The following CNKSR1 variants were observed in gnomAD, a reference collection of about 807,000 sequenced individuals.
CNKSR1 encodes the protein CNK homolog protein 1.
CNKSR1 carries 88 observed loss-of-function variants against 95.6 expected under a neutral mutation model. The observed-to-expected ratio is 0.92, with a 90% CI of 0.78 to 1.10. The LOEUF (loss-of-function observed/expected upper bound fraction) is 1.10, where lower values mean the gene tolerates loss of function less well. Ranked by LOEUF, CNKSR1 falls within the 50% of genes least tolerant of loss-of-function variation. The pLI is 0.00. For synonymous variants in CNKSR1, 355 were observed against 369.7 expected, an observed-to-expected ratio of 0.96 and a Z score of 0.46; for missense variants, 836 against 912.0, an observed-to-expected ratio of 0.92 and a Z score of 1.07.
In CNKSR1 at chr1:26,188,893, C is replaced by G; in HGVS notation, c.1812C>G (p.Asn604Lys). 1 of 1,613,950 alleles carries G rather than the reference C, an allele frequency of 6.2e-7. No homozygotes were observed. The highest frequency in any genetic ancestry group is 8.5e-7 in the Non-Finnish European group (1 of 1,180,018). ...EQWRSSFMRR[N>K]RDPQLNERVH... ...GGCGGAGCTCTTTCATGCGGCGCAACCGAGACCCTCAGCTCAATGAGCGAG... is the reference window on the plus strand; with the variant it reads ...GGCGGAGCTCTTTCATGCGGCGCAAGCGAGACCCTCAGCTCAATGAGCGAG... The change falls in exon 20 of 21, where the codon AAC (asparagine) becomes AAG (lysine). Residue 604 changes from asparagine (N) to lysine (K), a missense_variant. Asn to Lys is a moderately conservative substitution (Grantham distance 94). Coordinates refer to ENST00000361530, the MANE Select transcript of CNKSR1 (RefSeq NM_006314.3).
At chr1:26,184,692 C>T in intron 13 of CNKSR1, 80 bp downstream of exon 13, 1 of 1,452,800 alleles carries the variant, frequency 6.9e-7, no homozygotes. Context: ...GCAAGACCAC[C>T]CCCATCCTTC....
Position 26,186,909 on chromosome 1 carries a change from C to T in CNKSR1, c.1309-259C>T, listed in dbSNP as rs536016154. 5.4e-4 allele frequency: 257 copies of T among 473,904 alleles called. 2 individuals are homozygous for T. Among genetic ancestry groups the T allele is most frequent in the Non-Finnish European group, 1.1e-4 (30 of 261,976 alleles). The allele number at this position is 473,904 out of a possible 1,614,324, so 29.4% of individuals were successfully genotyped here. On this transcript the variant is annotated intron_variant, in intron 14 of 20. Transcript: ENST00000361530. ...TGAGCCACCATGCCCGGCCTTCAGG[C>T]TCCTCTTTTTTTTTTTTTTGGCTGT...
intron 1 of CNKSR1, 38 bp from the exon 2 acceptor site, chr1:26,180,415 C>T (rs1373800610): frequency 1.2e-6 from 2 of 1,612,378 alleles, no homozygotes; most frequent in African/African-American, 2.7e-5. Flanking sequence ...GGTCCTGACA[C>T]CTCTGCTTCC....
At position 26,185,095 on chromosome 1, in the gene CNKSR1, G is replaced by A. The variant is rs755719445; in HGVS notation, c.1217G>A (p.Arg406Gln). 7.8e-5 allele frequency: 125 copies of A among 1,604,960 alleles called. No homozygotes were observed. In the South Asian group the frequency reaches 1.3e-3, roughly 17 times the overall value. Reference sequence around the variant, plus strand: ...GACTGTGACGGCTGGCTCCTGTTGCGAAAGGCACCGGGCGGCTTCATGGGC... The same window carrying A: ...GACTGTGACGGCTGGCTCCTGTTGCAAAAGGCACCGGGCGGCTTCATGGGC... Reference protein sequence around the residue: ...RPDCDGWLLLRKAPGGFMGPR... With the variant: ...RPDCDGWLLLQKAPGGFMGPR... Residue 406 changes from arginine to glutamine, a missense_variant, in exon 14 of 21, where the codon CGA (arginine) becomes CAA (glutamine). Coordinates refer to ENST00000361530, the MANE Select transcript of CNKSR1 (RefSeq NM_006314.3).
Position 26,189,830 on chromosome 1 carries a change from C to T in CNKSR1, c.*282C>T. 1.5e-6 allele frequency: 1 copy of T among 647,618 alleles called. No individual in the cohort carries two copies. Among genetic ancestry groups the T allele is most frequent in the Non-Finnish European group, 2.8e-6 (1 of 353,894 alleles). The allele number at this position is 647,618 out of a possible 1,614,324, so 40.1% of individuals were successfully genotyped here. A position where few individuals can be genotyped will look rare whatever the true frequency, so the allele number is the denominator to read the frequency against. ...CCCAAACCAGGTCTGTACAGGTGTT[C>T]TTTATTTTACATGAGGGCTACTTTC... On this transcript the variant is annotated 3_prime_UTR_variant, in exon 21 of 21. Transcript: ENST00000361530.
At position 26,185,095 on chromosome 1, in the gene CNKSR1, G is replaced by T. The variant is rs755719445; in HGVS notation, c.1217G>T (p.Arg406Leu). ...RPDCDGWLLLRKAPGGFMGPR... is the reference protein window; with the variant it reads ...RPDCDGWLLLLKAPGGFMGPR... ...GACTGTGACGGCTGGCTCCTGTTGC[G>T]AAAGGCACCGGGCGGCTTCATGGGC... The change falls in exon 14 of 21, where the codon CGA (arginine) becomes CTA (leucine). Residue 406 changes from arginine to leucine, a missense_variant. Arg to Leu is a moderately radical substitution (Grantham distance 102, BLOSUM62 -2). Transcript: ENST00000361530. 3 of 1,605,078 alleles carry T rather than the reference G, an allele frequency of 1.9e-6. No homozygotes were observed. Among genetic ancestry groups the T allele is most frequent in the Admixed American group, 1.7e-5 (1 of 59,236 alleles).
rs765108650 is a variant in CNKSR1 at position 26,185,136 on chromosome 1, C to G, written c.1258C>G (p.Arg420Gly). 2.5e-6 allele frequency: 4 copies of G among 1,577,706 alleles called. No individual in the cohort carries two copies. In the South Asian group the frequency reaches 4.6e-5, roughly 18 times the overall value. The part of the protein sequence containing the change: ...GGFMGPRWRR[R>G]WFVLKGHTLY... ...CTTCATGGGCCCGCGCTGGCGCCGC[C>G]GCTGGTTTGTGCTCAAGGGACACAC... is the stretch of plus-strand genomic sequence containing the variant. The change falls in exon 14 of 21, where the codon CGC becomes GGC. Residue 420 changes from arginine to glycine, a missense_variant. Coordinates refer to ENST00000361530, the MANE Select transcript of CNKSR1 (RefSeq NM_006314.3).
Position 26,187,227 on chromosome 1 carries a change from T to C in CNKSR1, c.1368T>C (p.Asp456=). The C allele has an allele frequency of 1.9e-6, 3 of 1,613,772 alleles. No homozygotes were observed. Among genetic ancestry groups the C allele is most frequent in the Non-Finnish European group, 2.5e-6 (3 of 1,179,764 alleles). The change falls in exon 15 of 21, where the codon GAT becomes GAC. Residue 456 remains aspartate, a synonymous_variant. Transcript: ENST00000361530. ...ACTATAGTCTGGAAAGTGGACATGA[T>C]CAGAAGAAGAAATAGTTAAGTCTTG... ...VSNYSLESGH[D]QKKKYVFQLT... is the part of the protein sequence containing the mutation.
rs375307370 is a variant in CNKSR1, at chr1:26,185,122, C to G, written c.1244C>G (p.Pro415Arg). Reference sequence around the variant, plus strand: ...AAGGCACCGGGCGGCTTCATGGGCCCGCGCTGGCGCCGCCGCTGGTTTGTG... The same window carrying G: ...AAGGCACCGGGCGGCTTCATGGGCCGGCGCTGGCGCCGCCGCTGGTTTGTG... ...LRKAPGGFMG[P>R]RWRRRWFVLK... is the part of the protein sequence containing the mutation. Residue 415 changes from proline to arginine, a missense_variant, in exon 14 of 21, where the codon CCG becomes CGG. Transcript: ENST00000361530. The G allele has an allele frequency of 5.7e-6, 9 of 1,590,412 alleles. No individual in the cohort carries two copies. In the Admixed American group the frequency reaches 1.6e-4, roughly 28 times the overall value.
chr1:26,187,175 A>G lies in CNKSR1; in HGVS notation c.1316A>G (p.Lys439Arg). The G allele has an allele frequency of 6.2e-7, 1 of 1,613,900 alleles. No homozygotes were observed. Among genetic ancestry groups the G allele is most frequent in the Non-Finnish European group, 8.5e-7 (1 of 1,179,850 alleles). ...LYWYRQPQDE[K>R]AEGLINVSNY... ...ATGCTGTGATCCCCCCAGGATGAGA[A>G]GGCTGAGGGCCTCATCAATGTCTCC... The change falls in exon 15 of 21, where the codon AAG becomes AGG. Residue 439 changes from lysine (K) to arginine (R), a missense_variant. By Grantham distance (26) the Lys-to-Arg change is conservative. Transcript: ENST00000361530.
At chr1:26,186,166 C>G (rs1283075213) in intron 14 of CNKSR1, among the ~76,000 whole-genome samples, 1 of 152,194 alleles carries the variant, frequency 6.6e-6, no homozygotes, top group African/African-American at 2.4e-5. Context: ...AATGCAATAC[C>G]TGGCAGTTAG....
rs761701607 is a variant in CNKSR1, at chr1:26,182,465, G to A, written c.520-15G>A. ...CGATCGGGCTCAGGCTACATAGCCC[G>A]CTCCCCTCCCCCAGTGCAGCCACGT... On this transcript the variant is annotated splice_polypyrimidine_tract_variant and intron_variant, in intron 5 of 20. Transcript: ENST00000361530. 38 of 1,613,548 alleles carry A rather than the reference G, an allele frequency of 2.4e-5. No homozygotes were observed. The highest frequency in any genetic ancestry group is 2.9e-5 in the Non-Finnish European group (34 of 1,179,644).
rs368951404 is a variant in CNKSR1 at position 26,181,937 on chromosome 1, A to G, written c.473A>G (p.His158Arg). Residue 158 changes from histidine to arginine, a missense_variant, in exon 4 of 21, where the codon CAT becomes CGT. Physicochemically the swap from His to Arg is conservative, Grantham distance 29. Transcript: ENST00000361530. ...TTGGAGGAGCTGAGCCAGGTCTTGC[A>G]TGAGGTAGGAGAACCAAGGGCCAGG... ...DLLEELSQVLHEDGPAAEKEG... is the reference protein window; with the variant it reads ...DLLEELSQVLREDGPAAEKEG... The G allele has an allele frequency of 2.0e-5, 33 of 1,613,812 alleles. No homozygotes were observed. Among genetic ancestry groups the G allele is most frequent in the Non-Finnish European group, 2.3e-5 (27 of 1,179,846 alleles).
Position 26,185,161 on chromosome 1 carries a change from C to T in CNKSR1, c.1283C>T (p.Thr428Met), listed in dbSNP as rs372242005. The T allele has an allele frequency of 2.1e-5, 33 of 1,562,824 alleles. No individual in the cohort carries two copies. Among genetic ancestry groups the T allele is most frequent in the East Asian group, 4.8e-5 (2 of 42,042 alleles). The change falls in exon 14 of 21, where the codon ACG (threonine) becomes ATG (methionine). Residue 428 changes from threonine to methionine, a missense_variant. Coordinates refer to ENST00000361530, the MANE Select transcript of CNKSR1 (RefSeq NM_006314.3). ...RRRWFVLKGH[T>M]LYWYRQPQDE... ...CGCTGGTTTGTGCTCAAGGGACACA[C>T]GCTCTACTGGTACCGCCAGCCCCAG...
At position 26,187,542 on chromosome 1, in the gene CNKSR1, G is replaced by A. The variant is rs1250786362; in HGVS notation, c.1454+60G>A. On this transcript the variant is annotated intron_variant, in intron 16 of 20. Transcript: ENST00000361530. ...TGATTCCCAAACTCTGTGAGCTTGGGAGCCTAGGCTCAGGAGCCTGGAGAT... is the reference window on the plus strand; with the variant it reads ...TGATTCCCAAACTCTGTGAGCTTGGAAGCCTAGGCTCAGGAGCCTGGAGAT... 2.2e-5 allele frequency: 35 copies of A among 1,561,530 alleles called. No individual in the cohort carries two copies. The East Asian group carries it at 2.5e-4, about 11-fold the overall frequency.
At position 26,188,398 on chromosome 1, in the gene CNKSR1, C is replaced by T. The variant is rs555738028; in HGVS notation, c.1529-44C>T. The T allele has an allele frequency of 8.7e-6, 14 of 1,607,092 alleles. No homozygotes were observed. The South Asian group carries it at 1.3e-4, about 15-fold the overall frequency. On this transcript the variant is annotated intron_variant, in intron 17 of 20. Transcript: ENST00000361530. ...GGCTAGGAACTCAAATGCCCTAGGC[C>T]ACTCCCTGGCCTCCCAAAAACCCAC...
intron 7 of CNKSR1, 25 bp downstream of exon 7, chr1:26,183,281 C>A (rs770662888): frequency 6.2e-7 from 1 of 1,614,182 alleles, no homozygotes; most frequent in African/African-American, 1.3e-5. Flanking sequence ...CCCTTCTCAG[C>A]CGCCCATCCC....
rs139723325 is a variant in CNKSR1, at chr1:26,185,131, G to A, written c.1253G>A (p.Arg418His). 3.3e-3 allele frequency: 5,134 copies of A among 1,579,656 alleles called. 110 individuals are homozygous for A. The African/African-American group carries it at 0.054, about 17-fold the overall frequency. Residue 418 changes from arginine (R) to histidine (H), a missense_variant, in exon 14 of 21, where the codon CGC (arginine) becomes CAC (histidine). Transcript: ENST00000361530. Reference protein sequence around the residue: ...APGGFMGPRWRRRWFVLKGHT... With the variant: ...APGGFMGPRWHRRWFVLKGHT... ...GGCGGCTTCATGGGCCCGCGCTGGC[G>A]CCGCCGCTGGTTTGTGCTCAAGGGA... is the stretch of plus-strand genomic sequence containing the variant.
chr1:26,182,700 T>G, intron 6 of CNKSR1, 116 bp downstream of exon 6: 5 of 956,370 alleles, frequency 5.2e-6, no homozygotes, highest in South Asian at 4.2e-5. Flanking sequence ...AAGCCTTTTT[T>G]GTACAGATGC....
Sources: gnomAD v4.1 joint callset for allele counts (sites outside exome capture counted in the v4.1 genomes callset) on GRCh38, gnomAD v4.1.1 for gene constraint, MANE v1.5 for transcripts, NCBI Gene and HGNC (gene_info 2026-07-23, HGNC 2026-07-21) for gene names.